RIGI: variants seen among roughly 807,000 people sequenced by gnomAD.
RIGI encodes antiviral innate immune response receptor RIG-I.
chr9:32,456,764 C>T, the RIGI span: 1 of 173,536 alleles, frequency 5.8e-6, no homozygotes, highest in Non-Finnish European at 1.2e-5. Flanking sequence ...AGCCAGTTTA[C>T]AGTAGGTTAA....
At chr9:32,498,173 T>G in the RIGI span, 1 of 421,702 alleles carries the variant, frequency 2.4e-6, no homozygotes, top group Non-Finnish European at 4.8e-6. Context: ...GTCTGGCCAG[T>G]CTATGAAGGA....
chr9:32,521,425 C>G, the RIGI span, among the ~76,000 whole-genome samples: 1 of 152,030 alleles, frequency 6.6e-6, no homozygotes, highest in Non-Finnish European at 1.5e-5. Context: ...ACTGAGTCGC[C>G]TATCAAAGGG....
the RIGI span, chr9:32,487,908 T>G: frequency 5.0e-6 from 8 of 1,605,538 alleles, no homozygotes; most frequent in Non-Finnish European, 8.5e-7. Flanking sequence ...AGGAAGATTA[T>G]AGCTCTTCTG....
the RIGI span, chr9:32,473,062 A>G: frequency 5.6e-6 from 9 of 1,601,212 alleles, no homozygotes; most frequent in Admixed American, 1.4e-4. Flanking sequence ...CAATTTTTTA[A>G]AGCCTGAAAA....
chr9:32,479,198 T>C, the RIGI span, among the ~76,000 whole-genome samples: 118 of 152,336 alleles, frequency 7.7e-4, 1 homozygote, highest in African/African-American at 2.8e-3. Context: ...TGAGAACCAA[T>C]TGGCTATGTG....
chr9:32,489,497 G>A, the RIGI span: 6 of 1,252,410 alleles, frequency 4.8e-6, no homozygotes, highest in African/African-American at 7.4e-5. Flanking sequence ...CCTGCTCTGA[G>A]GAATCACGGC....
At chr9:32,488,047 TATC>T in the RIGI span, 1 of 1,614,148 alleles carries the variant, frequency 6.2e-7, no homozygotes, top group East Asian at 2.2e-5. Context: ...ATTCATCAAA[TATC>T]ATCAAAGTAA....
chr9:32,482,920 C>A, the RIGI span, among the ~76,000 whole-genome samples: 1 of 151,898 alleles, frequency 6.6e-6, no homozygotes, highest in Non-Finnish European at 1.5e-5. Context: ...TTGCTGTGAA[C>A]TTGGGCCTCC....
chr9:32,470,860 T>C, the RIGI span, among the ~76,000 whole-genome samples: 1 of 152,262 alleles, frequency 6.6e-6, no homozygotes, highest in Admixed American at 6.5e-5. Flanking sequence ...AATTTACTGG[T>C]AAATCAAGTT....
chr9:32,463,379 T>G, the RIGI span, among the ~76,000 whole-genome samples: 1 of 152,246 alleles, frequency 6.6e-6, no homozygotes, highest in Non-Finnish European at 1.5e-5. Flanking sequence ...TTAATTTTCT[T>G]TTTTAATTTC....
chr9:32,479,454 G>A, the RIGI span, among the ~76,000 whole-genome samples: 1 of 151,968 alleles, frequency 6.6e-6, no homozygotes, highest in African/African-American at 2.4e-5. Context: ...ACAGGGAGAA[G>A]GAAAACTTTT....
chr9:32,477,649 G>A, the RIGI span, among the ~76,000 whole-genome samples: 21 of 152,172 alleles, frequency 1.4e-4, no homozygotes, highest in Non-Finnish European at 2.4e-4. Flanking sequence ...GTCAGGCCGG[G>A]TGTGGTGGCT....
chr9:32,503,575 T>C, the RIGI span, among the ~76,000 whole-genome samples: 17 of 152,200 alleles, frequency 1.1e-4, no homozygotes, highest in Non-Finnish European at 1.8e-4. Flanking sequence ...ATAGTAAATG[T>C]GGGCCTGTCT....
chr9:32,486,811 T>C, the RIGI span, among the ~76,000 whole-genome samples: 1 of 152,122 alleles, frequency 6.6e-6, no homozygotes, highest in African/African-American at 2.4e-5. Context: ...ACTGAAAAGT[T>C]GGGATCAGGT....
the RIGI span, among the ~76,000 whole-genome samples, chr9:32,520,794 G>A: frequency 7.2e-5 from 11 of 151,834 alleles, no homozygotes; most frequent in East Asian, 1.5e-3. Context: ...ATCGTAAAAC[G>A]TTATAAAAAG....
chr9:32,522,719 C>T, the RIGI span, among the ~76,000 whole-genome samples: 1 of 152,148 alleles, frequency 6.6e-6, no homozygotes, highest in South Asian at 2.1e-4. Flanking sequence ...GCCACGTGGT[C>T]ACCCATAGTA....
At chr9:32,489,291 GAAA>G in the RIGI span, 1 of 1,323,282 alleles carries the variant, frequency 7.6e-7, no homozygotes, top group Non-Finnish European at 1.1e-6. Context: ...TTCAACAAAA[GAAA>G]AAAAAGGAAG....
chr9:32,466,033 G>A, the RIGI span, among the ~76,000 whole-genome samples: 4 of 152,172 alleles, frequency 2.6e-5, no homozygotes, highest in Non-Finnish European at 4.4e-5. Context: ...TATAGTCCTC[G>A]AGATGAACTG....
chr9:32,467,734 G>A, the RIGI span: 1 of 1,539,714 alleles, frequency 6.5e-7, no homozygotes, highest in Non-Finnish European at 8.8e-7. Flanking sequence ...CAGAATCCAT[G>A]TAGGAATGGC....
Sources: allele counts gnomAD v4.1 joint callset (sites outside exome capture counted in the v4.1 genomes callset), GRCh38; gene constraint gnomAD v4.1.1; transcripts MANE v1.5; gene names NCBI Gene and HGNC (gene_info 2026-07-23, HGNC 2026-07-21).